DSC2: variants seen among roughly 807,000 people sequenced by gnomAD.
The protein encoded by DSC2 is desmocollin 2, also known as desmocollin-2.
DSC2 carries 51 observed loss-of-function variants against 87.6 expected under a neutral mutation model. That is an observed-to-expected ratio of 0.58 (90% CI 0.46 to 0.74). The LOEUF is 0.74. Ranked by LOEUF, DSC2 falls within the 30% of genes least tolerant of loss-of-function variation. The pLI is 0.00. For synonymous variants in DSC2, 383 were observed against 393.2 expected, an observed-to-expected ratio of 0.97 and a Z score of 0.31; for missense variants, 1,066 against 1,089.5, an observed-to-expected ratio of 0.98 and a Z score of 0.30.
chr18:31,088,301 C>CT (rs1987473073), intron 5 of DSC2, among the ~76,000 whole-genome samples: 1 of 152,106 alleles, frequency 6.6e-6, no homozygotes, highest in African/African-American at 2.4e-5. Context: ...TTGGGTAAGT[C>CT]TTTTCAAAGA....
In DSC2 at chr18:31,067,912, A is replaced by G; in HGVS notation, c.*103T>C. 2 of 1,066,842 alleles carry G rather than the reference A, an allele frequency of 1.9e-6. No homozygotes were observed. The highest frequency in any genetic ancestry group is 1.4e-6 in the Non-Finnish European group (1 of 717,736). 66.1% of individuals were successfully genotyped at this position (1,066,842 alleles called of 1,614,324 possible). A position where few individuals can be genotyped will look rare whatever the true frequency, so the allele number is the denominator to read the frequency against. Reference sequence around the variant, plus strand: ...GAGATTCCATCCAAATAATGAGAGAAAAACCCCCACAAATAGCATCTTCTG... The same window carrying G: ...GAGATTCCATCCAAATAATGAGAGAGAAACCCCCACAAATAGCATCTTCTG... On this transcript the variant is annotated 3_prime_UTR_variant, in exon 16 of 16. Transcript: ENST00000280904.
chr18:31,092,287 C>T lies in DSC2; in HGVS notation c.168G>A (p.Glu56=). The T allele has an allele frequency of 2.5e-6, 4 of 1,613,486 alleles. No individual in the cohort carries two copies. Among genetic ancestry groups the T allele is most frequent in the South Asian group, 2.2e-5 (2 of 91,074 alleles). ...GAATTAGATTTGCAGCTGTAAAGCA[C>T]TCTTTCAGGTTAACTGTAGAAAATA... ...EKLVGRVNLK[E]CFTAANLIHS... Residue 56 remains glutamate, a synonymous_variant, in exon 3 of 16, where the codon GAG becomes GAA. Transcript: ENST00000280904.
At chr18:31,094,516 T>C (rs1987704416) in intron 1 of DSC2, among the ~76,000 whole-genome samples, 1 of 152,228 alleles carries the variant, frequency 6.6e-6, no homozygotes, top group Non-Finnish European at 1.5e-5. Flanking sequence ...TTTAATTTTG[T>C]TCTGTCTGAA....
intron 6 of DSC2, among the ~76,000 whole-genome samples, chr18:31,087,419 A>G (rs1401402030): frequency 6.6e-6 from 1 of 152,214 alleles, no homozygotes; most frequent in Non-Finnish European, 1.5e-5. Flanking sequence ...TTCGCTGTGT[A>G]TTGAGCTTCA....
chr18:31,100,920 G>A (rs1389880283), intron 1 of DSC2, among the ~76,000 whole-genome samples: 1 of 151,850 alleles, frequency 6.6e-6, no homozygotes, highest in African/African-American at 2.4e-5. Context: ...TTGGCTTTTT[G>A]CGTCTTCAGG....
At chr18:31,093,669 A>C in intron 1 of DSC2, 26 bp from the exon 2 acceptor site, 1 of 1,477,556 alleles carries the variant, frequency 6.8e-7, no homozygotes, top group East Asian at 2.5e-5. Flanking sequence ...AAATCAAATA[A>C]ATATTATGCA....
At chr18:31,091,577 A>C (rs1430498591) in intron 3 of DSC2, 1 of 459,156 alleles carries the variant, frequency 2.2e-6, no homozygotes, top group South Asian at 1.5e-5. Context: ...TCTGTGTCAG[A>C]ATGAGGAGAG....
intron 2 of DSC2, 31 bp downstream of exon 2, chr18:31,093,528 G>A: frequency 1.3e-6 from 2 of 1,548,348 alleles, no homozygotes; most frequent in Non-Finnish European, 1.8e-6. Flanking sequence ...CAGCAAAACA[G>A]GATTTATTAC....
rs756803622 is a variant in DSC2 at position 31,080,110 on chromosome 18, A to T, written c.1506T>A (p.Ser502Arg). The T allele has an allele frequency of 3.1e-6, 5 of 1,613,920 alleles. No homozygotes were observed. The highest frequency in any genetic ancestry group is 4.2e-6 in the Non-Finnish European group (5 of 1,180,030). Residue 502 changes from serine (S) to arginine (R), a missense_variant, in exon 10 of 16, where the codon AGT (serine) becomes AGA (arginine). By Grantham distance (110) the Ser-to-Arg change is moderately radical. Transcript: ENST00000280904. ...ATGGTAAGTACCTTATGCCACTGCT[A>T]CTTCTTGTTTCTGGGTCATATGCTT... is the stretch of plus-strand genomic sequence containing the variant. ...GYKAYDPETR[S>R]SSGIRYKKLT...
At chr18:31,099,417 A>G (rs1987862999) in intron 1 of DSC2, among the ~76,000 whole-genome samples, 1 of 152,236 alleles carries the variant, frequency 6.6e-6, no homozygotes, top group Non-Finnish European at 1.5e-5. Flanking sequence ...TGAAAGTTCT[A>G]GAGATCTGCT....
chr18:31,101,889 G>C lies in DSC2; in HGVS notation c.69+14C>G. The C allele has an allele frequency of 6.5e-7, 1 of 1,530,010 alleles. No homozygotes were observed. Among genetic ancestry groups the C allele is most frequent in the Non-Finnish European group, 8.7e-7 (1 of 1,143,498 alleles). 94.8% of individuals were successfully genotyped at this position (1,530,010 alleles called of 1,614,324 possible). A position where few individuals can be genotyped will look rare whatever the true frequency, so the allele number is the denominator to read the frequency against. ...CGCCCCCTTCCCCGGAGCGGTGGCC[G>C]CGGCTACACTCACCGCGAGGGTCAG... On this transcript the variant is annotated intron_variant, in intron 1 of 15. Coordinates refer to ENST00000280904, the MANE Select transcript of DSC2 (RefSeq NM_024422.6).
In DSC2 at chr18:31,061,476, C is replaced by T. The variant is rs1431278105; in HGVS notation, c.*6539G>A. 5 of 152,160 alleles carry T rather than the reference C, an allele frequency of 3.3e-5. No individual in the cohort carries two copies. Among genetic ancestry groups the T allele is most frequent in the Non-Finnish European group, 7.3e-5 (5 of 68,034 alleles). 9.4% of individuals were successfully genotyped at this position (152,160 alleles called of 1,614,324 possible). ...AGTGAGTATCTCTTCTTTAATCTCACGTATACCTAGAATTTAGGATATACC... is the reference window on the plus strand; with the variant it reads ...AGTGAGTATCTCTTCTTTAATCTCATGTATACCTAGAATTTAGGATATACC... On this transcript the variant is annotated 3_prime_UTR_variant, in exon 16 of 16. Coordinates refer to ENST00000280904, the MANE Select transcript of DSC2 (RefSeq NM_024422.6).
At chr18:31,100,923 T>C (rs2144869583) in intron 1 of DSC2, among the ~76,000 whole-genome samples, 1 of 152,162 alleles carries the variant, frequency 6.6e-6, no homozygotes, top group Middle Eastern at 3.4e-3. Context: ...GCTTTTTGCG[T>C]CTTCAGGCTC....
At position 31,080,090 on chromosome 18, in the gene DSC2, A is replaced by G. The variant is rs1029243199; in HGVS notation, c.1520+6T>C. The G allele has an allele frequency of 7.4e-6, 12 of 1,613,788 alleles. No homozygotes were observed. The highest frequency in any genetic ancestry group is 1.0e-5 in the Non-Finnish European group (12 of 1,180,008). On this transcript the variant is annotated splice_donor_region_variant and intron_variant, in intron 10 of 15. Transcript: ENST00000280904. ...TATTTTAAAACTAAAATAGAATGGT[A>G]AGTACCTTATGCCACTGCTACTTCT...
intron 11 of DSC2, among the ~76,000 whole-genome samples, chr18:31,077,375 C>T (rs1642644938): frequency 6.6e-6 from 1 of 152,182 alleles, no homozygotes; most frequent in African/African-American, 2.4e-5. Flanking sequence ...TTTGAGTCCA[C>T]ACACACAATT....
chr18:31,080,260 GGCTGATCTTGGACTA>G lies in DSC2; in HGVS notation c.1341_1355del (p.Ser448_Ala452del), dbSNP rs1301674152. On this transcript the variant is annotated inframe_deletion, in exon 10 of 16. Coordinates refer to ENST00000280904, the MANE Select transcript of DSC2 (RefSeq NM_024422.6). ...TAACAGTAACTGTTGCTGTGCTCAT[GGCTGATCTTGGACTA>G]GCCTCTCTGGAAAATGGAGCTTCAT... 2 of 1,614,010 alleles carry G rather than the reference GGCTGATCTTGGACTA, an allele frequency of 1.2e-6. No homozygotes were observed. The highest frequency in any genetic ancestry group is 1.7e-6 in the Non-Finnish European group (2 of 1,179,984).
chr18:31,069,484 G>A (rs972824297), intron 14 of DSC2, among the ~76,000 whole-genome samples: 1 of 152,016 alleles, frequency 6.6e-6, no homozygotes, highest in Non-Finnish European at 1.5e-5. Context: ...GGAGGCCGAG[G>A]CAAGCAGATC....
At chr18:31,098,054 T>C (rs566371721) in intron 1 of DSC2, among the ~76,000 whole-genome samples, 1 of 152,280 alleles carries the variant, frequency 6.6e-6, no homozygotes, top group South Asian at 2.1e-4. Flanking sequence ...CCTATGAATA[T>C]TTTTTCCAGT....
chr18:31,093,286 C>T (rs980807831), intron 2 of DSC2, among the ~76,000 whole-genome samples: 5 of 152,144 alleles, frequency 3.3e-5, no homozygotes, highest in Admixed American at 6.5e-5. Flanking sequence ...TCCTGATGCT[C>T]TCGCCCTCCC....
Sources: gnomAD v4.1 joint callset for allele counts (sites outside exome capture counted in the v4.1 genomes callset) on GRCh38, gnomAD v4.1.1 for gene constraint, MANE v1.5 for transcripts, NCBI Gene and HGNC (gene_info 2026-07-23, HGNC 2026-07-21) for gene names.